Variants in CELF2 observed in about 807,000 individuals in gnomAD.
The protein encoded by CELF2 is CUGBP Elav-like family member 2.
Under a neutral mutation model 62.6 loss-of-function variants are expected in CELF2, and 8 were observed. That is an observed-to-expected ratio of 0.13 (90% confidence interval 0.07 to 0.23). The LOEUF is 0.23. Ranked by LOEUF, CELF2 falls within the 10% of genes least tolerant of loss-of-function variation. The probability of loss-of-function intolerance (pLI) is 1.00; values close to 1 mark genes in which losing one functional copy is unlikely to be tolerated. For synonymous variants in CELF2, 258 were observed against 250.0 expected (o/e 1.03, Z -0.30); for missense variants, 333 against 671.0 (o/e 0.50, Z 5.56).
chr10:10,613,462 C>T, the CELF2 span, among the ~76,000 whole-genome samples: 3 of 152,270 alleles, frequency 2.0e-5, no homozygotes, highest in South Asian at 2.1e-4. Context: ...ATGTGGTGAT[C>T]GTATGGCTGA....
chr10:10,478,373 C>T, the CELF2 span, among the ~76,000 whole-genome samples: 9 of 151,968 alleles, frequency 5.9e-5, no homozygotes, highest in African/African-American at 2.2e-4. Flanking sequence ...TGATTTGTGC[C>T]GATTGATATT....
chr10:10,586,905 A>C, the CELF2 span, among the ~76,000 whole-genome samples: 9,586 of 152,238 alleles, frequency 0.063, 987 homozygotes, highest in African/African-American at 0.22. Context: ...GTGGCCTTTA[A>C]TGTTTCTTCC....
chr10:11,126,417 G>C (rs1254913863), intron 1 of CELF2, among the ~76,000 whole-genome samples: 10 of 151,934 alleles, frequency 6.6e-5, no homozygotes, highest in Non-Finnish European at 1.5e-5. Context: ...AGAAGAGAGG[G>C]GTTTGACAAC....
chr10:11,055,971 A>G (rs552217951), intron 1 of CELF2, among the ~76,000 whole-genome samples: 1 of 152,370 alleles, frequency 6.6e-6, no homozygotes, highest in South Asian at 2.1e-4. Flanking sequence ...GCCACAGAGA[A>G]GAGTAGTGAT....
chr10:10,532,886 CA>C, the CELF2 span, among the ~76,000 whole-genome samples: 23 of 137,540 alleles, frequency 1.7e-4, no homozygotes, highest in East Asian at 8.7e-4. Flanking sequence ...GACAAAATCT[CA>C]AAAAAAAAAA....
At chr10:10,564,439 C>T in the CELF2 span, among the ~76,000 whole-genome samples, 7 of 151,966 alleles carry the variant, frequency 4.6e-5, no homozygotes, top group Admixed American at 1.3e-4. Flanking sequence ...TGATTTTTCT[C>T]CTCTTTTTAT....
At chr10:10,737,910 C>T in the CELF2 span, among the ~76,000 whole-genome samples, 2 of 152,182 alleles carry the variant, frequency 1.3e-5, no homozygotes, top group African/African-American at 2.4e-5. Context: ...TGGCCTCCTG[C>T]AATACTGAGA....
In CELF2 at chr10:11,165,580, T is replaced by A. The variant is rs1565031432; in HGVS notation, c.169T>A (p.Ser57Thr). 6.2e-7 allele frequency: 1 copy of A among 1,614,144 alleles called. No homozygotes were observed. The highest frequency in any genetic ancestry group is 1.3e-5 in the African/African-American group (1 of 75,016). The change falls in exon 2 of 13, where the codon TCA (serine) becomes ACA (threonine). Residue 57 changes from serine (S) to threonine (T), a missense_variant. Physicochemically the swap from Ser to Thr is moderately conservative, Grantham distance 58. Transcript: ENST00000633077. This position sits in a 1 kb window ranked among gnomAD's most constrained non-coding sequence, Gnocchi z 7.4. ...GATGTTTGTCGGACAGATCCCCCGGTCATGGTCGGAAAAGGAGCTGAAAGA... is the reference window on the plus strand; with the variant it reads ...GATGTTTGTCGGACAGATCCCCCGGACATGGTCGGAAAAGGAGCTGAAAGA... ...IKMFVGQIPR[S>T]WSEKELKELF...
chr10:10,936,865 A>G lies in CELF2; in HGVS notation c.89+16866A>G, dbSNP rs1336694372. Among the ~76,000 whole-genome samples, 1 of 152,076 alleles carries G rather than the reference A, an allele frequency of 6.6e-6. No homozygotes were observed. The highest frequency in any genetic ancestry group is 1.5e-5 in the Non-Finnish European group (1 of 68,026). On this transcript the variant is annotated intron_variant, in intron 2 of 13. Coordinates refer to the CELF2 transcript ENST00000636488. This position sits in a 1 kb window ranked among gnomAD's most constrained non-coding sequence, Gnocchi z 4.0. ...TCTGATTCAGCTGGTCTGGGGCAAAACCTGAAATTCTGTATTTCTGACAAG... is the reference window on the plus strand; with the variant it reads ...TCTGATTCAGCTGGTCTGGGGCAAAGCCTGAAATTCTGTATTTCTGACAAG...
the CELF2 span, among the ~76,000 whole-genome samples, chr10:10,717,285 G>T: frequency 6.6e-6 from 1 of 151,982 alleles, no homozygotes; most frequent in African/African-American, 2.4e-5. Context: ...TTTGTGCCCT[G>T]CCTTTGGAAA....
chr10:11,134,840 T>C (rs1750722), intron 1 of CELF2, among the ~76,000 whole-genome samples: 68,489 of 152,014 alleles, frequency 0.45, 16,430 homozygotes, highest in East Asian at 0.84. Context: ...GGCAGGGAAA[T>C]GCAGTGAATC....
the CELF2 span, among the ~76,000 whole-genome samples, chr10:10,525,116 G>A: frequency 1.3e-5 from 2 of 152,110 alleles, no homozygotes; most frequent in Non-Finnish European, 2.9e-5. Flanking sequence ...ACCTCACAAC[G>A]GGATCAGTTT....
chr10:11,185,503 C>T (rs369540703), intron 2 of CELF2, among the ~76,000 whole-genome samples: 2 of 152,240 alleles, frequency 1.3e-5, no homozygotes, highest in South Asian at 2.1e-4. Context: ...CAACCTCCGC[C>T]TCCTGGATTC....
Position 11,329,052 on chromosome 10 carries a change from G to A in CELF2, c.1565G>A (p.Ter522=), listed in dbSNP as rs1442364182. ...KRSKNDSKPY[*] is the part of the protein sequence containing the mutation. ...TCCAAAAACGACAGCAAACCTTACT[G>A]ATCCTAACCCCAGAGGCTCCCTGCT... The change falls in exon 13 of 13, where the codon TGA becomes TAA. Residue 522 remains the stop codon, a stop_retained_variant. Transcript: ENST00000633077. The surrounding 1 kb of genome is among the most constrained non-coding windows in gnomAD (Gnocchi z 5.5). 1.3e-5 allele frequency: 21 copies of A among 1,611,244 alleles called. No homozygotes were observed. The highest frequency in any genetic ancestry group is 1.8e-5 in the Non-Finnish European group (21 of 1,177,928).
intron 1 of CELF2, among the ~76,000 whole-genome samples, chr10:10,855,845 A>G (rs545084668): frequency 6.6e-5 from 10 of 152,204 alleles, no homozygotes; most frequent in Non-Finnish European, 1.5e-4. Context: ...TCCAGCATGT[A>G]GTAGATATTA....
At chr10:10,671,879 G>A in the CELF2 span, among the ~76,000 whole-genome samples, 3 of 152,020 alleles carry the variant, frequency 2.0e-5, no homozygotes, top group Admixed American at 6.5e-5. Flanking sequence ...ACAGGCATAC[G>A]CTGCCACACT....
chr10:10,953,163 T>C (rs575668603), intron 2 of CELF2, among the ~76,000 whole-genome samples: 1 of 152,338 alleles, frequency 6.6e-6, no homozygotes, highest in South Asian at 2.1e-4. Flanking sequence ...TTTATGATTA[T>C]ATTGTTATTG....
At chr10:10,941,592 C>A (rs1192978762) in intron 2 of CELF2, among the ~76,000 whole-genome samples, 2 of 152,178 alleles carry the variant, frequency 1.3e-5, no homozygotes. Context: ...AAACAACAGC[C>A]AAGTGACACC....
chr10:10,933,326 TTA>T (rs1382783096), intron 2 of CELF2, among the ~76,000 whole-genome samples: 1 of 152,114 alleles, frequency 6.6e-6, no homozygotes, highest in African/African-American at 2.4e-5. Context: ...CACATAATAG[TTA>T]TACATATTTA....
Sources: allele counts gnomAD v4.1 joint callset (sites outside exome capture counted in the v4.1 genomes callset), GRCh38; gene constraint gnomAD v4.1.1; non-coding constraint Gnocchi (gnomAD v3.1); transcripts MANE v1.5; gene names NCBI Gene and HGNC (gene_info 2026-07-23, HGNC 2026-07-21).